GBE1: variants seen among roughly 807,000 people sequenced by gnomAD.
The protein encoded by GBE1 is 1,4-alpha-glucan-branching enzyme.
GBE1 carries 70 observed loss-of-function variants against 88.8 expected under a neutral mutation model. The ratio of observed to expected loss-of-function variants is 0.79; its 90% confidence interval spans 0.65 to 0.96. The LOEUF is 0.96. Ranked by LOEUF, GBE1 falls within the 40% of genes least tolerant of loss-of-function variation. GBE1 has a pLI of 0.00. For synonymous variants in GBE1, 284 were observed against 300.1 expected, an observed-to-expected ratio of 0.95 and a Z score of 0.56; for missense variants, 872 against 871.0, an observed-to-expected ratio of 1.00 and a Z score of -0.01.
chr3:81,708,254 G>A (rs114343471), intron 1 of GBE1, among the ~76,000 whole-genome samples: 2,302 of 151,992 alleles, frequency 0.015, 76 homozygotes, highest in African/African-American at 0.053. Flanking sequence ...CATAAGGAAA[G>A]GATGGCTTAT....
At chr3:81,678,502 T>G (rs993062296) in intron 2 of GBE1, among the ~76,000 whole-genome samples, 8 of 152,194 alleles carry the variant, frequency 5.3e-5, no homozygotes, top group African/African-American at 1.9e-4. Context: ...ACAAAGGGGA[T>G]GATAAATGGA....
chr3:81,648,869 T>G lies in GBE1; in HGVS notation c.678A>C (p.Arg226Ser). ...GTTATTACTTACCAAGGCCTTTGAT[T>G]CTTGGTAGTACATTGCATGTAAAAT... The part of the protein sequence containing the change: ...YKHFTCNVLP[R>S]IKGLGYNCIQ... Residue 226 changes from arginine (R) to serine (S), a missense_variant, in exon 5 of 16, where the codon AGA (arginine) becomes AGC (serine). Physicochemically the swap from Arg to Ser is moderately radical, Grantham distance 110. Coordinates refer to ENST00000429644, the MANE Select transcript of GBE1 (RefSeq NM_000158.4). 2 of 1,534,464 alleles carry G rather than the reference T, an allele frequency of 1.3e-6. No individual in the cohort carries two copies. Among genetic ancestry groups the G allele is most frequent in the Admixed American group, 2.0e-5 (1 of 49,044 alleles).
intron 3 of GBE1, among the ~76,000 whole-genome samples, chr3:81,653,448 T>G (rs1002283657): frequency 6.6e-6 from 1 of 151,886 alleles, no homozygotes; most frequent in Admixed American, 6.6e-5. Context: ...ATCATGACAC[T>G]GCACTCCAGC....
chr3:81,612,341 T>A, intron 7 of GBE1: 1 of 833,544 alleles, frequency 1.2e-6, no homozygotes, highest in Non-Finnish European at 2.0e-6. Flanking sequence ...AGATTTCCAT[T>A]TGATTTCGGT....
At chr3:81,660,383 T>C (rs1343225532) in intron 3 of GBE1, among the ~76,000 whole-genome samples, 2 of 152,176 alleles carry the variant, frequency 1.3e-5, no homozygotes, top group Non-Finnish European at 2.9e-5. Flanking sequence ...TGCCCCCATC[T>C]TGTGTAGATA....
chr3:81,523,929 T>C (rs2106850389), intron 14 of GBE1, among the ~76,000 whole-genome samples: 1 of 151,996 alleles, frequency 6.6e-6, no homozygotes, highest in Non-Finnish European at 1.5e-5. Context: ...TTCCAAATCT[T>C]GGCTATAGTG....
At chr3:81,656,670 A>C (rs1704943989) in intron 3 of GBE1, among the ~76,000 whole-genome samples, 1 of 152,192 alleles carries the variant, frequency 6.6e-6, no homozygotes, top group African/African-American at 2.4e-5. Flanking sequence ...TAAAGATATA[A>C]GTTATCTTCA....
intron 1 of GBE1, among the ~76,000 whole-genome samples, chr3:81,744,628 C>G (rs1706397956): frequency 6.6e-6 from 1 of 152,146 alleles, no homozygotes; most frequent in African/African-American, 2.4e-5. Context: ...ATGGGCTTAT[C>G]TGTTATAAAG....
chr3:81,700,031 T>A (rs1027820842), intron 2 of GBE1, among the ~76,000 whole-genome samples: 3 of 152,240 alleles, frequency 2.0e-5, no homozygotes, highest in African/African-American at 7.2e-5. Context: ...CTCTCTCATG[T>A]GATCAGTGGC....
chr3:81,560,398 C>A (rs1703400663), intron 12 of GBE1, among the ~76,000 whole-genome samples: 1 of 151,874 alleles, frequency 6.6e-6, no homozygotes. Context: ...GTTGATAATA[C>A]AGCTGCCTAC....
chr3:81,751,560 G>T (rs3772885), intron 1 of GBE1, among the ~76,000 whole-genome samples: 8,982 of 152,254 alleles, frequency 0.059, 589 homozygotes, highest in East Asian at 0.35. Flanking sequence ...ACGTGTTCCA[G>T]CTAGAAACAT....
At chr3:81,504,762 A>G (rs1453851024) in intron 14 of GBE1, among the ~76,000 whole-genome samples, 1 of 152,218 alleles carries the variant, frequency 6.6e-6, no homozygotes, top group Non-Finnish European at 1.5e-5. Flanking sequence ...CTTAAATTCA[A>G]TGGCTCTTCA....
intron 2 of GBE1, among the ~76,000 whole-genome samples, chr3:81,676,789 C>T (rs1389189368): frequency 6.6e-6 from 1 of 152,050 alleles, no homozygotes; most frequent in Non-Finnish European, 1.5e-5. Flanking sequence ...GGTTTAAATT[C>T]ATCATATCTG....
chr3:81,664,215 A>G (rs1458629059), intron 3 of GBE1, among the ~76,000 whole-genome samples: 1 of 152,146 alleles, frequency 6.6e-6, no homozygotes, highest in African/African-American at 2.4e-5. Flanking sequence ...TTTATGAAAA[A>G]TAAGAAGAAC....
intron 12 of GBE1, among the ~76,000 whole-genome samples, chr3:81,537,980 C>T (rs1202181552): frequency 2.6e-5 from 4 of 151,806 alleles, no homozygotes; most frequent in East Asian, 3.9e-4. Context: ...GTCATCTAAC[C>T]GATTGGTTTT....
At chr3:81,755,726 G>T (rs1385068881) in intron 1 of GBE1, among the ~76,000 whole-genome samples, 1 of 152,080 alleles carries the variant, frequency 6.6e-6, no homozygotes, top group African/African-American at 2.4e-5. Context: ...AGTACAGAAA[G>T]GCAAATATCA....
intron 12 of GBE1, among the ~76,000 whole-genome samples, chr3:81,545,393 C>T (rs1028742220): frequency 6.6e-6 from 1 of 152,070 alleles, no homozygotes; most frequent in Non-Finnish European, 1.5e-5. Context: ...TTGACGTTTT[C>T]CTCTATAATT....
intron 1 of GBE1, among the ~76,000 whole-genome samples, chr3:81,721,360 A>C (rs972141955): frequency 1.8e-4 from 28 of 151,894 alleles, no homozygotes; most frequent in African/African-American, 6.8e-4. Flanking sequence ...CATCAGTAAA[A>C]TGGAAACTTT....
intron 12 of GBE1, among the ~76,000 whole-genome samples, chr3:81,571,077 A>G (rs1703567223): frequency 6.6e-6 from 1 of 152,174 alleles, no homozygotes; most frequent in South Asian, 2.1e-4. Flanking sequence ...CAAAAATAAA[A>G]TGGAGGGAAA....
Sources: gnomAD v4.1 joint callset for allele counts (sites outside exome capture counted in the v4.1 genomes callset) on GRCh38, gnomAD v4.1.1 for gene constraint, MANE v1.5 for transcripts, NCBI Gene and HGNC (gene_info 2026-07-23, HGNC 2026-07-21) for gene names.